Variants in NT5DC1 observed in about 807,000 individuals in gnomAD.
NT5DC1 encodes 5'-nucleotidase domain-containing protein 1.
A neutral mutation model predicts 59.4 loss-of-function variants in NT5DC1; 42 were observed. The observed-to-expected ratio is 0.71, with a 90% CI of 0.55 to 0.92. NT5DC1 has a LOEUF of 0.92. Among genes scored for constraint, NT5DC1 ranks in the 40% least tolerant of loss-of-function variants. NT5DC1 has a pLI of 0.00. For missense variants in NT5DC1, 501 were observed against 537.1 expected, an observed-to-expected ratio of 0.93 and a Z score of 0.66; for synonymous variants, 172 against 188.1, an observed-to-expected ratio of 0.91 and a Z score of 0.70.
Position 116,100,881 on chromosome 6 carries a change from T to C in NT5DC1, c.-50T>C. On this transcript the variant is annotated 5_prime_UTR_variant, in exon 1 of 12. Coordinates refer to ENST00000319550, the MANE Select transcript of NT5DC1 (RefSeq NM_152729.3). ...GTCCCGCAGCGTCCCGCCAGCCAGC[T>C]CCTTGCACCCTTCGCGGCCGAGGCG... The C allele has an allele frequency of 7.0e-7, 1 of 1,435,382 alleles. No homozygotes were observed. Among genetic ancestry groups the C allele is most frequent in the African/African-American group, 1.5e-5 (1 of 68,064 alleles). 88.9% of individuals were successfully genotyped at this position (1,435,382 alleles called of 1,614,324 possible).
chr6:116,115,826 G>A, intron 5 of NT5DC1, 56 bp downstream of exon 5: 1 of 861,006 alleles, frequency 1.2e-6, no homozygotes, highest in Non-Finnish European at 2.0e-6. Flanking sequence ...TAAATTGGAG[G>A]ACCTAATTAT....
At chr6:116,215,872 A>C (rs1275255273) in intron 6 of NT5DC1, among the ~76,000 whole-genome samples, 1 of 152,134 alleles carries the variant, frequency 6.6e-6, no homozygotes, top group Non-Finnish European at 1.5e-5. Flanking sequence ...CCGACCCAAA[A>C]TCATATTTAT....
At chr6:116,147,025 G>A (rs1450456212) in intron 6 of NT5DC1, among the ~76,000 whole-genome samples, 1 of 149,586 alleles carries the variant, frequency 6.7e-6, no homozygotes, top group Non-Finnish European at 1.5e-5. Context: ...TTTTAATCAT[G>A]TAGTCAGAAA....
intron 6 of NT5DC1, chr6:116,120,916 C>CT (rs770121699): frequency 9.3e-6 from 15 of 1,613,814 alleles, no homozygotes; most frequent in Non-Finnish European, 1.3e-5. Context: ...CTGGGTTACC[C>CT]TTAGGACCAT....
At chr6:116,240,075 A>G (rs1463802067) in intron 11 of NT5DC1, among the ~76,000 whole-genome samples, 1 of 152,242 alleles carries the variant, frequency 6.6e-6, no homozygotes, top group Non-Finnish European at 1.5e-5. Context: ...CATATTTGGA[A>G]TGAAGCAGTA....
rs144751704 is a variant in NT5DC1, at chr6:116,191,255, C to T, written c.530-29799C>T. 7.5e-3 allele frequency among the ~76,000 whole-genome samples: 1,143 copies of T among 152,010 alleles called. 8 individuals are homozygous for T. The highest frequency in any genetic ancestry group is 0.011 in the Non-Finnish European group (750 of 67,940). On this transcript the variant is annotated intron_variant, in intron 6 of 11. Coordinates refer to ENST00000319550, the MANE Select transcript of NT5DC1 (RefSeq NM_152729.3). ...TTTAGCAAGAATTTGTACCTCTGACCCAAACTCCAAGGACAAGTTGCTTCA... is the reference window on the plus strand; with the variant it reads ...TTTAGCAAGAATTTGTACCTCTGACTCAAACTCCAAGGACAAGTTGCTTCA...
intron 8 of NT5DC1, among the ~76,000 whole-genome samples, chr6:116,224,950 G>T (rs572987568): frequency 6.6e-6 from 1 of 152,220 alleles, no homozygotes; most frequent in African/African-American, 2.4e-5. Flanking sequence ...CGACAGTACT[G>T]GAAATGGAGA....
At chr6:116,224,728 G>A (rs2114545069) in intron 8 of NT5DC1, among the ~76,000 whole-genome samples, 2 of 152,364 alleles carry the variant, frequency 1.3e-5, no homozygotes, top group South Asian at 2.1e-4. Context: ...TGAAGTTAGG[G>A]AGGCAGGCAC....
At chr6:116,149,297 C>A (rs1246202173) in intron 6 of NT5DC1, among the ~76,000 whole-genome samples, 3 of 152,140 alleles carry the variant, frequency 2.0e-5, no homozygotes, top group African/African-American at 4.8e-5. Flanking sequence ...TATATGTTTT[C>A]ATCACTGCAA....
At chr6:116,186,895 A>T (rs146281049) in intron 6 of NT5DC1, among the ~76,000 whole-genome samples, 27 of 152,092 alleles carry the variant, frequency 1.8e-4, no homozygotes, top group African/African-American at 6.3e-4. Flanking sequence ...CTTAGTTTGG[A>T]TCCATTGCTG....
intron 10 of NT5DC1, among the ~76,000 whole-genome samples, 157 bp downstream of exon 10, chr6:116,238,505 T>C (rs1782167818): frequency 1.3e-5 from 2 of 151,816 alleles, no homozygotes; most frequent in Admixed American, 1.3e-4. Context: ...ATTTGAAACT[T>C]TGTATTAATT....
At chr6:116,243,839 C>A in intron 11 of NT5DC1, 70 bp from the exon 12 acceptor site, 1 of 609,564 alleles carries the variant, frequency 1.6e-6, no homozygotes, top group South Asian at 2.3e-5. Context: ...TAGTGAATAT[C>A]AAGTTTTGAT....
intron 8 of NT5DC1, among the ~76,000 whole-genome samples, chr6:116,236,399 A>G (rs1260232584): frequency 6.6e-6 from 1 of 152,206 alleles, no homozygotes; most frequent in African/African-American, 2.4e-5. Flanking sequence ...AGGAGTAGGA[A>G]GGTAATGTGC....
chr6:116,237,399 G>T (rs1209440216), intron 9 of NT5DC1: 18 of 496,778 alleles, frequency 3.6e-5, no homozygotes, highest in South Asian at 2.8e-4. Flanking sequence ...TTGACAGAAT[G>T]ATCACATTGT....
chr6:116,206,034 T>C (rs1384115234), intron 6 of NT5DC1, among the ~76,000 whole-genome samples: 1 of 151,976 alleles, frequency 6.6e-6, no homozygotes, highest in Admixed American at 6.6e-5. Context: ...CCAGTGTTTT[T>C]TCCTGGAAGT....
At chr6:116,183,060 G>A (rs568426810) in intron 6 of NT5DC1, among the ~76,000 whole-genome samples, 1 of 152,116 alleles carries the variant, frequency 6.6e-6, no homozygotes, top group African/African-American at 2.4e-5. Context: ...TATAAGATGA[G>A]AGATGAGGAT....
chr6:116,138,912 T>C (rs969533530), intron 6 of NT5DC1, among the ~76,000 whole-genome samples: 13 of 152,196 alleles, frequency 8.5e-5, no homozygotes, highest in African/African-American at 3.1e-4. Context: ...TCTTGATTTC[T>C]CACATTGGTA....
At chr6:116,167,019 T>C (rs1020258056) in intron 6 of NT5DC1, among the ~76,000 whole-genome samples, 2 of 152,144 alleles carry the variant, frequency 1.3e-5, no homozygotes, top group African/African-American at 2.4e-5. Context: ...ATAGGACTTA[T>C]AAAGATGGTT....
chr6:116,187,533 C>A (rs929454476), intron 6 of NT5DC1, among the ~76,000 whole-genome samples: 1 of 152,066 alleles, frequency 6.6e-6, no homozygotes, highest in Non-Finnish European at 1.5e-5. Context: ...ACTAGAAGAT[C>A]ACTGAACCGG....
Sources: gnomAD v4.1 joint callset for allele counts (sites outside exome capture counted in the v4.1 genomes callset) on GRCh38, gnomAD v4.1.1 for gene constraint, MANE v1.5 for transcripts, NCBI Gene and HGNC (gene_info 2026-07-23, HGNC 2026-07-21) for gene names.